The following ZNF521 variants were observed in gnomAD, a reference collection of about 807,000 sequenced individuals.
The protein encoded by ZNF521 is zinc finger protein 521.
In ZNF521, 14 loss-of-function variants were observed where a neutral mutation model predicts 105.5. The ratio of observed to expected loss-of-function variants is 0.13; its 90% CI spans 0.09 to 0.21. The LOEUF is 0.21. ZNF521 is among the 10% of genes least tolerant of loss of function. The probability of loss-of-function intolerance (pLI) is 1.00; values close to 1 mark genes in which losing one functional copy is unlikely to be tolerated. For synonymous variants in ZNF521, 635 were observed against 606.0 expected (o/e 1.05, Z -0.70); for missense variants, 1,233 against 1,629.7 (o/e 0.76, Z 4.19).
chr18:25,308,702 T>C (rs1912132314), intron 3 of ZNF521, among the ~76,000 whole-genome samples: 1 of 135,696 alleles, frequency 7.4e-6, no homozygotes, highest in Admixed American at 8.3e-5. Flanking sequence ...TTTCTCAGAA[T>C]ATGCTGGAAC....
intron 5 of ZNF521, among the ~76,000 whole-genome samples, chr18:25,151,059 G>T (rs1297786715): frequency 1.3e-5 from 2 of 151,790 alleles, no homozygotes; most frequent in Non-Finnish European, 2.9e-5. Context: ...CAAAGTGCTG[G>T]GATCACAGGT....
chr18:25,171,208 C>T (rs2035443392), intron 5 of ZNF521, among the ~76,000 whole-genome samples: 1 of 152,094 alleles, frequency 6.6e-6, no homozygotes, highest in South Asian at 2.1e-4. Context: ...TTCTGCTCAC[C>T]TCACACACAA....
chr18:25,185,668 A>T (rs2035708475), intron 5 of ZNF521, among the ~76,000 whole-genome samples: 1 of 152,182 alleles, frequency 6.6e-6, no homozygotes, highest in African/African-American at 2.4e-5. Context: ...GAAGCAGTGC[A>T]TCCCACCCTA....
intron 5 of ZNF521, among the ~76,000 whole-genome samples, chr18:25,187,661 G>A (rs1394833853): frequency 6.6e-6 from 1 of 152,122 alleles, no homozygotes; most frequent in East Asian, 1.9e-4. Flanking sequence ...GTGATGTACA[G>A]TACAGAGAAA....
intron 5 of ZNF521, among the ~76,000 whole-genome samples, chr18:25,147,895 C>A (rs1204707708): frequency 6.6e-6 from 1 of 152,172 alleles, no homozygotes; most frequent in Non-Finnish European, 1.5e-5. Flanking sequence ...CAAAAGGCAG[C>A]CGTACCCTGT....
intron 5 of ZNF521, among the ~76,000 whole-genome samples, chr18:25,141,509 A>C (rs1002659407): frequency 5.9e-5 from 9 of 152,208 alleles, no homozygotes; most frequent in African/African-American, 1.9e-4. Flanking sequence ...TAGTGGTTCT[A>C]CATGTAAAGA....
intron 4 of ZNF521, among the ~76,000 whole-genome samples, chr18:25,208,171 C>A (rs2036115601): frequency 6.6e-6 from 1 of 152,132 alleles, no homozygotes; most frequent in South Asian, 2.1e-4. Flanking sequence ...CAGCTCTTCA[C>A]AGTCTTAATA....
intron 3 of ZNF521, among the ~76,000 whole-genome samples, chr18:25,231,023 G>T: frequency 6.6e-6 from 1 of 152,162 alleles, no homozygotes; most frequent in East Asian, 1.9e-4. Flanking sequence ...AGAGCCGCCT[G>T]ACTTTTCTCC....
chr18:25,123,600 T>G (rs182293245), intron 5 of ZNF521, among the ~76,000 whole-genome samples: 1 of 152,178 alleles, frequency 6.6e-6, no homozygotes, highest in African/African-American at 2.4e-5. Flanking sequence ...GGTTGTTGCA[T>G]TCTCCAGTTT....
chr18:25,238,349 C>G (rs1006068764), intron 3 of ZNF521, among the ~76,000 whole-genome samples: 1 of 152,204 alleles, frequency 6.6e-6, no homozygotes, highest in African/African-American at 2.4e-5. Flanking sequence ...CCTAACAACT[C>G]TACAAACCTA....
intron 2 of ZNF521, among the ~76,000 whole-genome samples, chr18:25,340,601 T>G (rs923022738): frequency 1.2e-4 from 19 of 152,212 alleles, no homozygotes; most frequent in African/African-American, 4.6e-4. Flanking sequence ...ATTGATCAAC[T>G]TGCAAGAATC....
chr18:25,168,587 G>A (rs1195743748), intron 5 of ZNF521, among the ~76,000 whole-genome samples: 5 of 152,132 alleles, frequency 3.3e-5, no homozygotes, highest in African/African-American at 1.2e-4. Flanking sequence ...AGGGGAAGAA[G>A]GGGAGAAGAC....
chr18:25,274,132 C>A (rs1235235492), intron 3 of ZNF521, among the ~76,000 whole-genome samples: 1 of 152,182 alleles, frequency 6.6e-6, no homozygotes, highest in African/African-American at 2.4e-5. Context: ...CACACTGATA[C>A]TTTGGCCTCC....
chr18:25,350,315 G>C (rs934636001), intron 2 of ZNF521, among the ~76,000 whole-genome samples: 1 of 151,846 alleles, frequency 6.6e-6, no homozygotes, highest in African/African-American at 2.4e-5. Flanking sequence ...CCCGAGCCGG[G>C]GTCCGGTGCC....
In ZNF521 at chr18:25,227,646, G is replaced by T; in HGVS notation, c.272C>A (p.Pro91His). Residue 91 changes from proline to histidine, a missense_variant, in exon 4 of 8, where the codon CCT becomes CAT. By Grantham distance (77) the Pro-to-His change is moderately conservative. Transcript: ENST00000361524. The surrounding 1 kb of genome is among the most constrained non-coding windows in gnomAD (Gnocchi z 5.7). Reference protein sequence around the residue: ...DPTCSWPASSPSSKDQTSPSH... With the variant: ...DPTCSWPASSHSSKDQTSPSH... Reference sequence around the variant, plus strand: ...AGGGGAAGTCTGATCCTTGCTAGAAGGTGAGGAAGCTGGCCAAGAGCAAGT... The same window carrying T: ...AGGGGAAGTCTGATCCTTGCTAGAATGTGAGGAAGCTGGCCAAGAGCAAGT... 6.2e-7 allele frequency: 1 copy of T among 1,613,990 alleles called. No homozygotes were observed. Among genetic ancestry groups the T allele is most frequent in the Non-Finnish European group, 8.5e-7 (1 of 1,179,974 alleles).
intron 3 of ZNF521, among the ~76,000 whole-genome samples, chr18:25,277,044 G>A (rs1485741697): frequency 2.0e-5 from 3 of 152,038 alleles, no homozygotes; most frequent in African/African-American, 2.4e-5. Flanking sequence ...TTAGCCGAGT[G>A]TGGTGGCACA....
chr18:25,079,580 C>G (rs183161660), intron 7 of ZNF521, among the ~76,000 whole-genome samples: 19 of 147,078 alleles, frequency 1.3e-4, no homozygotes, highest in African/African-American at 4.6e-4. Flanking sequence ...ATACTAACAC[C>G]AAGAGATCTC....
At chr18:25,263,267 T>G (rs1909031832) in intron 3 of ZNF521, among the ~76,000 whole-genome samples, 1 of 151,922 alleles carries the variant, frequency 6.6e-6, no homozygotes. Flanking sequence ...ATTTCATCCA[T>G]CCTTCAAACC....
At position 25,263,346 on chromosome 18, in the gene ZNF521, C is replaced by T. The variant is rs139991817; in HGVS notation, c.221-35649G>A. Among the ~76,000 whole-genome samples, 484 of 151,954 alleles carry T rather than the reference C, an allele frequency of 3.2e-3. 3 individuals carry two copies. The highest frequency in any genetic ancestry group is 0.011 in the African/African-American group (455 of 41,434). On this transcript the variant is annotated intron_variant, in intron 3 of 7. Coordinates refer to ENST00000361524, the MANE Select transcript of ZNF521 (RefSeq NM_015461.3). ...GATTGATGAAAAAAAAAAGTTAGGT[C>T]AATAACTTGCTTTTTTTTTTGTTTT...
Sources: allele counts gnomAD v4.1 joint callset (sites outside exome capture counted in the v4.1 genomes callset), GRCh38; gene constraint gnomAD v4.1.1; non-coding constraint Gnocchi (gnomAD v3.1); transcripts MANE v1.5; gene names NCBI Gene and HGNC (gene_info 2026-07-23, HGNC 2026-07-21).